The following DPYS variants were observed in gnomAD, a reference collection of about 807,000 sequenced individuals.
The protein encoded by DPYS is dihydropyrimidinase, also known as dihydropyrimidine amidohydrolase.
In DPYS, 39 loss-of-function variants were observed where a neutral mutation model predicts 50.3. The observed-to-expected ratio is 0.78, with a 90% CI of 0.60 to 1.01. DPYS has a LOEUF of 1.01. Among genes scored for constraint, DPYS ranks in the 50% least tolerant of loss-of-function variants. The pLI, the probability that DPYS is intolerant of heterozygous loss-of-function variation, is 0.00. For missense variants in DPYS, 659 were observed against 680.9 expected (o/e 0.97, Z 0.36); for synonymous variants, 245 against 250.7 (o/e 0.98, Z 0.22).
At chr8:104,435,830 T>C (rs1187485627) in intron 4 of DPYS, among the ~76,000 whole-genome samples, 2 of 151,792 alleles carry the variant, frequency 1.3e-5, no homozygotes, top group African/African-American at 4.8e-5. Context: ...TGTACTGGGG[T>C]TGAAAGAAGG....
chr8:104,415,169 A>G (rs1812322816), intron 7 of DPYS, among the ~76,000 whole-genome samples: 1 of 152,248 alleles, frequency 6.6e-6, no homozygotes, highest in Non-Finnish European at 1.5e-5. Context: ...CTAGGGATAC[A>G]GTTGTAAATA....
At chr8:104,444,143 G>A in intron 4 of DPYS, 105 bp downstream of exon 4, 1 of 1,266,560 alleles carries the variant, frequency 7.9e-7, no homozygotes, top group Non-Finnish European at 1.1e-6. Flanking sequence ...GAAAAGTAGT[G>A]GAAATCCACA....
intron 3 of DPYS, 56 bp from the exon 4 acceptor site, chr8:104,444,493 A>G: frequency 6.3e-7 from 1 of 1,582,102 alleles, no homozygotes; most frequent in Non-Finnish European, 8.7e-7. Context: ...AATGACAGAT[A>G]TCATTATTTT....
intron 8 of DPYS, among the ~76,000 whole-genome samples, chr8:104,387,211 T>C (rs1202342022): frequency 6.6e-6 from 1 of 152,198 alleles, no homozygotes; most frequent in East Asian, 1.9e-4. Flanking sequence ...GAGAAAGCCC[T>C]AGGTGCAACA....
intron 7 of DPYS, chr8:104,419,967 G>A (rs1171951867): frequency 6.6e-6 from 1 of 152,202 alleles, no homozygotes; most frequent in Non-Finnish European, 1.5e-5. Flanking sequence ...CAGCTGTGGG[G>A]TACATAGGAG....
intron 7 of DPYS, among the ~76,000 whole-genome samples, chr8:104,414,691 A>G (rs1473779545): frequency 6.6e-6 from 1 of 152,140 alleles, no homozygotes; most frequent in Non-Finnish European, 1.5e-5. Context: ...GCTGTACAAT[A>G]AGCATATAAG....
intron 7 of DPYS, among the ~76,000 whole-genome samples, chr8:104,406,127 G>A (rs1811988350): frequency 6.6e-6 from 1 of 152,194 alleles, no homozygotes; most frequent in African/African-American, 2.4e-5. Context: ...GACCAAGTAT[G>A]AACCCCTGTG....
At chr8:104,456,086 T>C (rs1813913583) in intron 1 of DPYS, among the ~76,000 whole-genome samples, 1 of 152,118 alleles carries the variant, frequency 6.6e-6, no homozygotes, top group Non-Finnish European at 1.5e-5. Context: ...ACAGTTATTA[T>C]TGTCATTGCC....
chr8:104,394,679 G>A (rs545356809), intron 7 of DPYS, among the ~76,000 whole-genome samples: 1 of 151,696 alleles, frequency 6.6e-6, no homozygotes, highest in African/African-American at 2.4e-5. Flanking sequence ...ATCAGATCAT[G>A]TCACTTTCCT....
chr8:104,426,127 G>T (rs1240967594), intron 6 of DPYS, among the ~76,000 whole-genome samples: 1 of 152,138 alleles, frequency 6.6e-6, no homozygotes, highest in Non-Finnish European at 1.5e-5. Context: ...GGTGGAGGAA[G>T]GGGGGTGAGG....
At chr8:104,420,949 A>T (rs1374216908) in intron 7 of DPYS, 6 of 152,234 alleles carry the variant, frequency 3.9e-5, no homozygotes, top group Non-Finnish European at 8.8e-5. Flanking sequence ...TTAGTTGACA[A>T]AGCATTTTCA....
In DPYS at chr8:104,433,499, C is replaced by T. The variant is rs576316882; in HGVS notation, c.794-3798G>A. On this transcript the variant is annotated intron_variant, in intron 4 of 9. Transcript: ENST00000351513. ...AATACAAAAAATTATCCAGGTATGA[C>T]AGTGCACACCTGTAGTCCCAGCTAC... Among the ~76,000 whole-genome samples, 11 of 152,120 alleles carry T rather than the reference C, an allele frequency of 7.2e-5. No individual in the cohort carries two copies. The South Asian group carries it at 1.0e-3, about 14-fold the overall frequency.
chr8:104,433,083 T>C (rs991087739), intron 4 of DPYS, among the ~76,000 whole-genome samples: 16 of 152,170 alleles, frequency 1.1e-4, no homozygotes, highest in African/African-American at 3.6e-4. Flanking sequence ...AGGAAGAAGA[T>C]GGCCATCTAT....
At chr8:104,443,807 C>T (rs1310379680) in intron 4 of DPYS, among the ~76,000 whole-genome samples, 1 of 152,152 alleles carries the variant, frequency 6.6e-6, no homozygotes, top group Non-Finnish European at 1.5e-5. Context: ...GCAGGAGAAT[C>T]ACTTGAACCC....
At chr8:104,392,189 TC>T (rs1293401190) in intron 8 of DPYS, among the ~76,000 whole-genome samples, 1 of 152,122 alleles carries the variant, frequency 6.6e-6, no homozygotes, top group Non-Finnish European at 1.5e-5. Context: ...CCTCTGAACT[TC>T]ATTACACTTT....
chr8:104,450,034 T>G (rs1813677277), intron 2 of DPYS, among the ~76,000 whole-genome samples: 1 of 151,724 alleles, frequency 6.6e-6, no homozygotes, highest in Non-Finnish European at 1.5e-5. Flanking sequence ...TACTAAAGTG[T>G]GAGAAGCACT....
At chr8:104,394,682 AC>A (rs975970554) in intron 7 of DPYS, among the ~76,000 whole-genome samples, 19 of 151,646 alleles carry the variant, frequency 1.3e-4, no homozygotes, top group African/African-American at 4.1e-4. Flanking sequence ...AGATCATGTC[AC>A]TTTCCTGCTT....
intron 2 of DPYS, 27 bp from the exon 3 acceptor site, chr8:104,447,530 C>G: frequency 6.2e-7 from 1 of 1,609,008 alleles, no homozygotes; most frequent in African/African-American, 1.3e-5. Context: ...ACCATAACAA[C>G]AATATGTTAC....
intron 1 of DPYS, 137 bp from the exon 2 acceptor site, chr8:104,451,541 T>A: frequency 9.7e-7 from 1 of 1,026,892 alleles, no homozygotes; most frequent in Non-Finnish European, 1.5e-6. Context: ...TGCTGCCTGT[T>A]TAAATGACCC....
Sources: gnomAD v4.1 joint callset for allele counts (sites outside exome capture counted in the v4.1 genomes callset) on GRCh38, gnomAD v4.1.1 for gene constraint, MANE v1.5 for transcripts, NCBI Gene and HGNC (gene_info 2026-07-23, HGNC 2026-07-21) for gene names.